The following LCTL variants were observed in gnomAD, a reference collection of about 807,000 sequenced individuals.
The protein encoded by LCTL is lactase like, also known as lactase-like protein.
In LCTL, 76 loss-of-function variants were observed where a neutral mutation model predicts 75.8. That is an observed-to-expected ratio of 1.00 (90% CI 0.83 to 1.21). LCTL has a LOEUF of 1.21. Among genes scored for constraint, LCTL ranks in the 50% most tolerant of loss-of-function variants. LCTL has a pLI of 0.00. For synonymous variants in LCTL, 271 were observed against 268.8 expected (o/e 1.01, Z -0.08); for missense variants, 670 against 712.4 (o/e 0.94, Z 0.68).
At chr15:66,550,423 A>G (rs1367098012) in intron 11 of LCTL, among the ~76,000 whole-genome samples, 1 of 152,226 alleles carries the variant, frequency 6.6e-6, no homozygotes, top group Non-Finnish European at 1.5e-5. Flanking sequence ...TCACCTTAAA[A>G]TAGTTTTGGT....
chr15:66,554,785 G>C (rs933737291), intron 8 of LCTL, among the ~76,000 whole-genome samples: 3 of 152,108 alleles, frequency 2.0e-5, no homozygotes, highest in Admixed American at 1.3e-4. Context: ...ATAGCGATGT[G>C]GAAAGCTTGC....
chr15:66,560,953 G>T, intron 6 of LCTL, 53 bp downstream of exon 7: 2 of 1,549,684 alleles, frequency 1.3e-6, no homozygotes, highest in South Asian at 1.1e-5. Context: ...GAGCCCCTGG[G>T]GCAGGCTGAG....
At chr15:66,565,626 C>G, upstream of LCTL, 1 of 457,848 alleles carries the variant, frequency 2.2e-6, no homozygotes, top group East Asian at 4.2e-5. Flanking sequence ...ATGGGGGAGA[C>G]CCAGCCCATA....
Position 66,565,214 on chromosome 15 carries a change from A to ACAGG in LCTL, c.118+30_118+33dup, listed in dbSNP as rs759986251. The ACAGG allele has an allele frequency of 2.8e-6, 4 of 1,417,102 alleles. No individual in the cohort carries two copies. The South Asian group carries it at 4.6e-5, about 16-fold the overall frequency. The allele number at this position is 1,417,102 out of a possible 1,614,324, so 87.8% of individuals were successfully genotyped here. A position where few individuals can be genotyped will look rare whatever the true frequency, so the allele number is the denominator to read the frequency against. On this transcript the variant is annotated intron_variant, in intron 1 of 12. Transcript: ENST00000341509. Reference sequence around the variant, plus strand: ...GCCAAAGTGGGCAGGTGGACGACAGACAGGCAGACAGACGAACAGAGGCGT... The same window carrying ACAGG: ...GCCAAAGTGGGCAGGTGGACGACAGACAGGCAGGCAGACAGACGAACAGAGGCGT...
exon 13 of LCTL, chr15:66,547,843 G>A (rs1895438001): frequency 6.6e-6 from 1 of 152,278 alleles, no homozygotes; most frequent in Non-Finnish European, 1.5e-5. Context: ...CTGGAGTGCA[G>A]TGGTGTGATC....
rs749215010 is a variant in LCTL at position 66,561,330 on chromosome 15, A to G, written c.481-15T>C. ...ACCTGGAGCAGCTGTGAACACAGAG[A>G]AGCAGATGCCCCATGAATGAACCGC... is the stretch of plus-strand genomic sequence containing the variant. On this transcript the variant is annotated splice_polypyrimidine_tract_variant and intron_variant, in intron 4 of 12. Coordinates refer to ENST00000341509, the Ensembl canonical transcript of LCTL. 74 of 1,614,212 alleles carry G rather than the reference A, an allele frequency of 4.6e-5. No individual in the cohort carries two copies. The Middle Eastern group carries it at 9.9e-4, about 22-fold the overall frequency.
Position 66,563,186 on chromosome 15 carries a change from T to C in LCTL, c.480+330A>G, listed in dbSNP as rs552136714. The stretch of plus-strand genomic sequence containing the variant: ...CCTTATAAAAAGAGGGACACGGCAT[T>C]CAAGGCATCATCTTGGAAGCAGAGA... On this transcript the variant is annotated intron_variant, in intron 4 of 12. Coordinates refer to ENST00000341509, the Ensembl canonical transcript of LCTL. Among the ~76,000 whole-genome samples, 8 of 152,294 alleles carry C rather than the reference T, an allele frequency of 5.3e-5. No individual in the cohort carries two copies. The South Asian group carries it at 1.7e-3, about 32-fold the overall frequency.
intron 8 of LCTL, among the ~76,000 whole-genome samples, chr15:66,555,309 T>TG (rs2140840568): frequency 6.6e-6 from 1 of 152,064 alleles, no homozygotes; most frequent in East Asian, 1.9e-4. Context: ...AAATTTTTTT[T>TG]TTTTTGAGAT....
At position 66,563,843 on chromosome 15, in the gene LCTL, T is replaced by G. The variant is rs546116632; in HGVS notation, c.370+68A>C. 4.9e-5 allele frequency: 61 copies of G among 1,241,504 alleles called. No individual in the cohort carries two copies. The South Asian group carries it at 7.1e-4, about 14-fold the overall frequency. The allele number at this position is 1,241,504 out of a possible 1,614,324, so 76.9% of individuals were successfully genotyped here. On this transcript the variant is annotated intron_variant, in intron 3 of 12. Transcript: ENST00000341509. Reference sequence around the variant, plus strand: ...GATCTCCCTCCCCAGGACTCTGTGGTGCCCCTGCAAAGCCAACATTGCCGG... The same window carrying G: ...GATCTCCCTCCCCAGGACTCTGTGGGGCCCCTGCAAAGCCAACATTGCCGG...
chr15:66,552,667 CAAAAAAAAAAA>C (rs752480803), intron 9 of LCTL, among the ~76,000 whole-genome samples: 2 of 53,106 alleles, frequency 3.8e-5, no homozygotes, highest in Admixed American at 2.0e-4. Flanking sequence ...GAGACTGTCT[CAAAAAAAAAAA>C]AAAAAAAAAA....
At chr15:66,552,532 G>A (rs767046803) in intron 9 of LCTL, among the ~76,000 whole-genome samples, 14 of 152,076 alleles carry the variant, frequency 9.2e-5, no homozygotes, top group Admixed American at 3.3e-4. Flanking sequence ...TTAGCCAGGC[G>A]TGGTGGCATA....
exon 1 of LCTL, chr15:66,565,347 C>A: frequency 6.2e-7 from 1 of 1,611,468 alleles, no homozygotes; most frequent in South Asian, 1.1e-5. Flanking sequence ...AGAAGGGTGG[C>A]GACCCACACT....
exon 1 of LCTL, chr15:66,565,267 G>A (rs1244157032): frequency 6.2e-7 from 1 of 1,611,238 alleles, no homozygotes; most frequent in Admixed American, 1.7e-5. Flanking sequence ...AGGTTCCATA[G>A]TAGAAGGAGG....
chr15:66,557,717 C>T lies in LCTL; in HGVS notation c.922+5G>A, dbSNP rs753162699. The T allele has an allele frequency of 1.9e-6, 3 of 1,612,516 alleles. No individual in the cohort carries two copies. The highest frequency in any genetic ancestry group is 4.5e-5 in the East Asian group (2 of 44,840). ...ATCTGCAGTTTAAAATGAGACTGGG[C>T]TCACCAATGTAGTCCTTCATGACTT... On this transcript the variant is annotated splice_donor_5th_base_variant and intron_variant, in intron 8 of 12. Coordinates refer to ENST00000341509, the Ensembl canonical transcript of LCTL.
In LCTL at chr15:66,550,037, T is replaced by G. The variant is rs773843306; in HGVS notation, c.1588+4A>C. 1.9e-6 allele frequency: 3 copies of G among 1,587,954 alleles called. No individual in the cohort carries two copies. The highest frequency in any genetic ancestry group is 2.6e-6 in the Non-Finnish European group (3 of 1,166,272). On this transcript the variant is annotated splice_donor_region_variant and intron_variant, in intron 12 of 12. Coordinates refer to ENST00000341509, the Ensembl canonical transcript of LCTL. ...AAGGAAAACATTGAAATATACTGACTCACCTGCAGCAAGCATCTGATTGTT... is the reference window on the plus strand; with the variant it reads ...AAGGAAAACATTGAAATATACTGACGCACCTGCAGCAAGCATCTGATTGTT...
Position 66,553,262 on chromosome 15 carries a change from T to C in LCTL, c.923-4A>G, listed in dbSNP as rs1187466886. 6.5e-7 allele frequency: 1 copy of C among 1,534,814 alleles called. No homozygotes were observed. Among genetic ancestry groups the C allele is most frequent in the East Asian group, 2.4e-5 (1 of 42,492 alleles). The stretch of plus-strand genomic sequence containing the variant: ...CCTTGCTCTGCACTCTTTCTTCCTT[T>C]TGAGAGAGAAAAGTAGAATTTAACA... On this transcript the variant is annotated splice_region_variant and splice_polypyrimidine_tract_variant and intron_variant, in intron 8 of 12. Transcript: ENST00000341509.
chr15:66,556,865 T>G (rs1202800819), intron 8 of LCTL, among the ~76,000 whole-genome samples: 1 of 152,094 alleles, frequency 6.6e-6, no homozygotes, highest in African/African-American at 2.4e-5. Flanking sequence ...ATGAAAGTAT[T>G]TTATACCACT....
chr15:66,552,246 G>C, intron 9 of LCTL, 77 bp from the exon 11 acceptor site: 1 of 1,199,082 alleles, frequency 8.3e-7, no homozygotes, highest in Non-Finnish European at 1.2e-6. Context: ...GGCTCATATA[G>C]GAACACATAT....
chr15:66,565,943 C>A (rs1284250144), upstream of LCTL: 1 of 152,690 alleles, frequency 6.5e-6, no homozygotes, highest in African/African-American at 2.4e-5. Flanking sequence ...CCTACGCTGT[C>A]CCCTGAGAGA....
Sources: allele counts gnomAD v4.1 joint callset (sites outside exome capture counted in the v4.1 genomes callset), GRCh38; gene constraint gnomAD v4.1.1; transcripts MANE v1.5; gene names NCBI Gene and HGNC (gene_info 2026-07-23, HGNC 2026-07-21).